Variants in ANPEP observed in about 807,000 individuals in gnomAD.
The protein encoded by ANPEP is aminopeptidase N.
In ANPEP, 70 loss-of-function variants were observed where a neutral mutation model predicts 114.6. That is an observed-to-expected ratio of 0.61 (90% CI 0.50 to 0.75). The LOEUF is 0.75. Ranked by LOEUF, ANPEP falls within the 30% of genes least tolerant of loss-of-function variation. ANPEP has a pLI of 0.00. For missense variants in ANPEP, 1,184 were observed against 1,259.5 expected (o/e 0.94, Z 0.91); for synonymous variants, 548 against 522.3 (o/e 1.05, Z -0.67).
chr15:89,798,798 G>A (rs775644008), intron 14 of ANPEP, among the ~76,000 whole-genome samples: 1 of 152,146 alleles, frequency 6.6e-6, no homozygotes, highest in Non-Finnish European at 1.5e-5. Context: ...AAATTAGCTG[G>A]GCATGGTGGT....
At chr15:89,807,924 A>G (rs75991382) in intron 1 of ANPEP, among the ~76,000 whole-genome samples, 3,935 of 152,200 alleles carry the variant, frequency 0.026, 165 homozygotes, top group African/African-American at 0.09. Flanking sequence ...CCCCATCGCA[A>G]GATGCACTTG....
chr15:89,798,128 T>C (rs1214294967), intron 14 of ANPEP, among the ~76,000 whole-genome samples: 3 of 152,248 alleles, frequency 2.0e-5, no homozygotes, highest in Non-Finnish European at 2.9e-5. Flanking sequence ...CTGGGCACTC[T>C]AGGCCTTTCT....
In ANPEP at chr15:89,804,378, C is replaced by T. The variant is rs775151974; in HGVS notation, c.1054G>A (p.Gly352Ser). Residue 352 changes from glycine (G) to serine (S), a missense_variant, in exon 6 of 21, where the codon GGC (glycine) becomes AGC (serine). Transcript: ENST00000300060. ...ACCAGTCCCCAGTTCTCCATGGCGCCGGCGTTGAAGTCTGGCAGGCCAATC... is the reference window on the plus strand; with the variant it reads ...ACCAGTCCCCAGTTCTCCATGGCGCTGGCGTTGAAGTCTGGCAGGCCAATC... ...DQIGLPDFNAGAMENWGLVTY... is the reference protein window; with the variant it reads ...DQIGLPDFNASAMENWGLVTY... 43 of 1,614,104 alleles carry T rather than the reference C, an allele frequency of 2.7e-5. 1 individual carries two copies. The highest frequency in any genetic ancestry group is 6.7e-5 in the Admixed American group (4 of 60,008).
chr15:89,795,091 GA>G (rs57368902), intron 15 of ANPEP, among the ~76,000 whole-genome samples: 70,840 of 130,164 alleles, frequency 0.54, 18,715 homozygotes, highest in African/African-American at 0.7. Context: ...CGAGTCAATG[GA>G]AAAAAAAAAA....
chr15:89,785,544 A>T (rs1413897552), intron 20 of ANPEP, 43 bp from the exon 21 acceptor site: 2 of 1,487,164 alleles, frequency 1.3e-6, no homozygotes, highest in Non-Finnish European at 1.8e-6. Context: ...TGGGTCCCTA[A>T]CAGCCTTGAG....
Position 89,790,457 on chromosome 15 carries a change from T to TA in ANPEP, c.2751+2dup, listed in dbSNP as rs751522046. Reference sequence around the variant, plus strand: ...AGCCCAGGTCTGGGGAATGACTTCTTACCTGCTGCAGCTCATACTCGGTGG... The same window carrying TA: ...AGCCCAGGTCTGGGGAATGACTTCTTAACCTGCTGCAGCTCATACTCGGTGG... On this transcript the variant is annotated splice_region_variant and intron_variant, in intron 20 of 20. Coordinates refer to ENST00000300060, the MANE Select transcript of ANPEP (RefSeq NM_001150.3). The TA allele has an allele frequency of 4.9e-5, 79 of 1,613,466 alleles. 2 individuals are homozygous for TA. In the South Asian group the frequency reaches 6.9e-4, roughly 14 times the overall value.
chr15:89,806,437 G>A lies in ANPEP; in HGVS notation c.147C>T (p.Thr49=), dbSNP rs751101505. 8.1e-6 allele frequency: 13 copies of A among 1,614,018 alleles called. No individual in the cohort carries two copies. Among genetic ancestry groups the A allele is most frequent in the South Asian group, 1.1e-5 (1 of 91,086 alleles). ...TGGTGGTGGCTGAGGCGGACGGGGT[G>A]GTGGAGGCCACGGGGGAGCTGTTGG... The part of the protein sequence containing the change: ...KNANSSPVAS[T]TPSASATTNP... The change falls in exon 2 of 21, where the codon ACC becomes ACT. Residue 49 remains threonine, a synonymous_variant. Coordinates refer to ENST00000300060, the MANE Select transcript of ANPEP (RefSeq NM_001150.3). This position sits in a 1 kb window ranked among gnomAD's most constrained non-coding sequence, Gnocchi z 5.7.
At chr15:89,811,632 T>C (rs573839869) in intron 1 of ANPEP, among the ~76,000 whole-genome samples, 93 of 140,506 alleles carry the variant, frequency 6.6e-4, no homozygotes, top group African/African-American at 2.4e-3. Flanking sequence ...GGCGACAGAG[T>C]GAGACTCCAT....
Position 89,803,541 on chromosome 15 carries a change from G to A in ANPEP, c.1438-34C>T, listed in dbSNP as rs774965215. The A allele has an allele frequency of 1.7e-5, 28 of 1,605,174 alleles. No homozygotes were observed. Among genetic ancestry groups the A allele is most frequent in the Non-Finnish European group, 2.3e-5 (27 of 1,178,330 alleles). Reference sequence around the variant, plus strand: ...GGGGTGAGGGGGCGCTCAGAAGGCTGTGCAGAGCCACCAGGACCCTGTGCC... The same window carrying A: ...GGGGTGAGGGGGCGCTCAGAAGGCTATGCAGAGCCACCAGGACCCTGTGCC... On this transcript the variant is annotated intron_variant, in intron 8 of 20. Coordinates refer to ENST00000300060, the MANE Select transcript of ANPEP (RefSeq NM_001150.3). This position sits in a 1 kb window ranked among gnomAD's most constrained non-coding sequence, Gnocchi z 4.2.
At chr15:89,797,848 G>A (rs1057336772) in intron 14 of ANPEP, 126 bp from the exon 15 acceptor site, 17 of 1,305,992 alleles carry the variant, frequency 1.3e-5, no homozygotes, top group African/African-American at 4.5e-5. Flanking sequence ...TCCTGGAGCC[G>A]GAGGTCCCAG....
intron 4 of ANPEP, 149 bp downstream of exon 4, chr15:89,804,929 G>C (rs1413006030): frequency 5.1e-6 from 6 of 1,171,398 alleles, no homozygotes; most frequent in South Asian, 3.0e-5. Context: ...TGGAGAACCA[G>C]AGAACAAGAC....
rs753911443 is a variant in ANPEP, at chr15:89,799,388, TGGGGCAG to T, written c.1953+31_1953+37del. 7 of 1,614,038 alleles carry T rather than the reference TGGGGCAG, an allele frequency of 4.3e-6. No homozygotes were observed. In the Admixed American group the frequency reaches 1.2e-4, roughly 27 times the overall value. On this transcript the variant is annotated intron_variant, in intron 13 of 20. Coordinates refer to ENST00000300060, the MANE Select transcript of ANPEP (RefSeq NM_001150.3). This position sits in a 1 kb window ranked among gnomAD's most constrained non-coding sequence, Gnocchi z 4.2. ...AGGCCTTGCAGTCTGGTGCCTGTCC[TGGGGCAG>T]GGGGCAGGGCGAGGGGTGGCAGACA...
intron 1 of ANPEP, among the ~76,000 whole-genome samples, chr15:89,808,879 G>A (rs1005444426): frequency 6.6e-6 from 1 of 152,230 alleles, no homozygotes; most frequent in African/African-American, 2.4e-5. Context: ...ACAAATACCT[G>A]CCGCCTCTCG....
rs770290259 is a variant in ANPEP, at chr15:89,803,880, C to G, written c.1293+9G>C. ...CCCCCCGCACCAGACCCCTGGGCAG[C>G]TGGCTTACCAAGTTCCAGGTGGGCT... On this transcript the variant is annotated intron_variant, in intron 7 of 20. Transcript: ENST00000300060. This position sits in a 1 kb window ranked among gnomAD's most constrained non-coding sequence, Gnocchi z 4.2. 3 of 1,614,154 alleles carry G rather than the reference C, an allele frequency of 1.9e-6. No individual in the cohort carries two copies. Among genetic ancestry groups the G allele is most frequent in the Non-Finnish European group, 2.5e-6 (3 of 1,179,990 alleles).
intron 3 of ANPEP, 22 bp from the exon 4 acceptor site, chr15:89,805,239 G>T: frequency 6.2e-7 from 1 of 1,614,186 alleles, no homozygotes; most frequent in Non-Finnish European, 8.5e-7. Context: ...GCATGTGTGT[G>T]TGAGGACGTA....
At chr15:89,790,892 C>T (rs1968608275) in intron 19 of ANPEP, 61 bp downstream of exon 19, 1 of 1,588,742 alleles carries the variant, frequency 6.3e-7, no homozygotes. Context: ...CCCGCACAGG[C>T]CACCCCCCGG....
At position 89,803,298 on chromosome 15, in the gene ANPEP, G is replaced by C; in HGVS notation, c.1510C>G (p.Leu504Val). The change falls in exon 10 of 21, where the codon CTC becomes GTC. Residue 504 changes from leucine to valine, a missense_variant. Transcript: ENST00000300060. This position sits in a 1 kb window ranked among gnomAD's most constrained non-coding sequence, Gnocchi z 4.2. ...GTGTTCTGGTAGGCAAAGGTGTGGA[G>C]GTAGGACTGTGGAAAGACGGGGCAC... The part of the protein sequence containing the change: ...DVFKQGLASY[L>V]HTFAYQNTIY... 1 of 1,614,136 alleles carries C rather than the reference G, an allele frequency of 6.2e-7. No homozygotes were observed. Among genetic ancestry groups the C allele is most frequent in the Non-Finnish European group, 8.5e-7 (1 of 1,179,976 alleles).
rs199527820 is a variant in ANPEP, at chr15:89,804,482, C to T, written c.1024+9G>A. 38 of 1,614,190 alleles carry T rather than the reference C, an allele frequency of 2.4e-5. No homozygotes were observed. In the Admixed American group the frequency reaches 3.7e-4, roughly 16 times the overall value. ...TCCACTGCCTCCCTCCTCAAGGACC[C>T]CCACTCACCTGATTTTGGGAGTGGG... On this transcript the variant is annotated intron_variant, in intron 5 of 20. Transcript: ENST00000300060.
At position 89,792,105 on chromosome 15, in the gene ANPEP, T is replaced by TGG. The variant is rs535050543; in HGVS notation, c.2528+53_2528+54dup. On this transcript the variant is annotated intron_variant, in intron 18 of 20. Coordinates refer to ENST00000300060, the MANE Select transcript of ANPEP (RefSeq NM_001150.3). ...CTGGCGAGGAGTGTGGAGGCCTGCCTGGTTCTCCAGGTGGGGAGAGGGCTC... is the reference window on the plus strand; with the variant it reads ...CTGGCGAGGAGTGTGGAGGCCTGCCTGGGGTTCTCCAGGTGGGGAGAGGGCTC... The TGG allele has an allele frequency of 9.7e-5, 153 of 1,575,580 alleles. No homozygotes were observed. In the South Asian group the frequency reaches 1.4e-3, roughly 15 times the overall value.
Sources: gnomAD v4.1 joint callset for allele counts (sites outside exome capture counted in the v4.1 genomes callset) on GRCh38, gnomAD v4.1.1 for gene constraint, Gnocchi (gnomAD v3.1) non-coding constraint, MANE v1.5 for transcripts, NCBI Gene and HGNC (gene_info 2026-07-23, HGNC 2026-07-21) for gene names.